MOV10L1: variants seen among roughly 807,000 people sequenced by gnomAD.
MOV10L1 encodes the protein RNA helicase Mov10l1.
A neutral mutation model predicts 143.8 loss-of-function variants in MOV10L1; 110 were observed. That is an observed-to-expected ratio of 0.76 (90% CI 0.66 to 0.90). The LOEUF (loss-of-function observed/expected upper bound fraction) is 0.90, where lower values mean the gene tolerates loss of function less well. Among genes scored for constraint, MOV10L1 ranks in the 40% least tolerant of loss-of-function variants. The pLI is 0.00. For synonymous variants in MOV10L1, 593 were observed against 581.1 expected (o/e 1.02, Z -0.29); for missense variants, 1,406 against 1,526.8 (o/e 0.92, Z 1.32).
In MOV10L1 at chr22:50,160,948, T is replaced by C. The variant is rs755911041; in HGVS notation, c.3463-16T>C. ...TTCACTTGCTCTCACACCAGGCTAA[T>C]TGTTATTGCCAACAGGACCCCTGTT... is the stretch of plus-strand genomic sequence containing the variant. On this transcript the variant is annotated splice_polypyrimidine_tract_variant and intron_variant, in intron 25 of 26. Transcript: ENST00000262794. The C allele has an allele frequency of 1.9e-6, 3 of 1,614,036 alleles. No individual in the cohort carries two copies. Among genetic ancestry groups the C allele is most frequent in the Non-Finnish European group, 2.5e-6 (3 of 1,179,914 alleles).
chr22:50,120,523 A>G lies in MOV10L1; in HGVS notation c.1476A>G (p.Pro492=), dbSNP rs2062308716. 1 of 1,611,602 alleles carries G rather than the reference A, an allele frequency of 6.2e-7. No homozygotes were observed. The highest frequency in any genetic ancestry group is 8.5e-7 in the Non-Finnish European group (1 of 1,178,878). ...AQKRNSRRQL[P]SFLPQYPIPD... ...TAAGGAACTCAAGACGACAACTTCC[A>G]AGTTTTCTTCCCCAATATCCAATCC... Residue 492 remains proline (P), a synonymous_variant, in exon 10 of 27, where the codon CCA becomes CCG. Coordinates refer to ENST00000262794, the MANE Select transcript of MOV10L1 (RefSeq NM_018995.3).
At chr22:50,127,409 C>G (rs187905794) in intron 12 of MOV10L1, among the ~76,000 whole-genome samples, 1 of 152,342 alleles carries the variant, frequency 6.6e-6, no homozygotes, top group Admixed American at 6.5e-5. Flanking sequence ...CACCTGTTCT[C>G]AAGTAGACTA....
rs1217173302 is a variant in MOV10L1, at chr22:50,115,252, G to A, written c.1259+6G>A. On this transcript the variant is annotated splice_donor_region_variant and intron_variant, in intron 8 of 26. Transcript: ENST00000262794. ...GTGGTCATCTGTGACGGAAAGTAAGGGCCTGGAGGTCTGGGGAGAGCCGCG... is the reference window on the plus strand; with the variant it reads ...GTGGTCATCTGTGACGGAAAGTAAGAGCCTGGAGGTCTGGGGAGAGCCGCG... 1.3e-6 allele frequency: 2 copies of A among 1,509,188 alleles called. No homozygotes were observed. The highest frequency in any genetic ancestry group is 1.8e-6 in the Non-Finnish European group (2 of 1,138,044). 93.5% of individuals were successfully genotyped at this position (1,509,188 alleles called of 1,614,324 possible). A position where few individuals can be genotyped will look rare whatever the true frequency, so the allele number is the denominator to read the frequency against.
In MOV10L1 at chr22:50,108,882, C is replaced by T. The variant is rs777808736; in HGVS notation, c.743+38C>T. On this transcript the variant is annotated intron_variant, in intron 5 of 26. Coordinates refer to ENST00000262794, the MANE Select transcript of MOV10L1 (RefSeq NM_018995.3). ...TTTTCTGGCCAGGTGCGGTGGCTAA[C>T]GCCTGTAATCCTAGCACTTTGGGAG... 1.3e-5 allele frequency: 21 copies of T among 1,596,998 alleles called. No homozygotes were observed. In the East Asian group the frequency reaches 3.6e-4, roughly 27 times the overall value.
At chr22:50,094,901 T>C (rs564135471) in intron 2 of MOV10L1, 7 of 152,310 alleles carry the variant, frequency 4.6e-5, no homozygotes, top group Admixed American at 1.3e-4. Flanking sequence ...CCACCACTCA[T>C]GTGCAGCAGT....
chr22:50,152,332 A>T lies in MOV10L1; in HGVS notation c.2893-713A>T, dbSNP rs1003005598. Among the ~76,000 whole-genome samples the T allele has an allele frequency of 6.6e-6, 1 of 152,218 alleles. No individual in the cohort carries two copies. The highest frequency in any genetic ancestry group is 1.5e-5 in the Non-Finnish European group (1 of 68,022). On this transcript the variant is annotated intron_variant, in intron 21 of 26. Transcript: ENST00000262794. This position sits in a 1 kb window ranked among gnomAD's most constrained non-coding sequence, Gnocchi z 4.4. ...ACAGACGCAGCGAGTCCTCATGCCA[A>T]TACATGGGTCACGTGATGAGCAGGG...
rs2062382950 is a variant in MOV10L1 at position 50,090,038 on chromosome 22, C to CGTGCGGGCGG, written c.-50_-41dup. 8.9e-7 allele frequency: 1 copy of CGTGCGGGCGG among 1,128,980 alleles called. No homozygotes were observed. The highest frequency in any genetic ancestry group is 1.6e-5 in the African/African-American group (1 of 60,704). The allele number at this position is 1,128,980 out of a possible 1,614,324, so 69.9% of individuals were successfully genotyped here. On this transcript the variant is annotated 5_prime_UTR_variant, in exon 1 of 27. Coordinates refer to ENST00000262794, the MANE Select transcript of MOV10L1 (RefSeq NM_018995.3). The stretch of plus-strand genomic sequence containing the variant: ...GCGGGCGGCGGGAGCGGCGCGGGCG[C>CGTGCGGGCGG]GTGCGGGCGGCGGCAGCGGCGGTGA...
intron 12 of MOV10L1, among the ~76,000 whole-genome samples, chr22:50,127,972 C>T (rs774482908): frequency 3.9e-5 from 6 of 152,074 alleles, no homozygotes; most frequent in East Asian, 1.9e-4. Context: ...GGTTTCGCCC[C>T]GTTGGCCAGG....
At chr22:50,156,426 A>G (rs1346788836) in intron 22 of MOV10L1, among the ~76,000 whole-genome samples, 1 of 152,158 alleles carries the variant, frequency 6.6e-6, no homozygotes, top group Non-Finnish European at 1.5e-5. Flanking sequence ...TCCATTTTTA[A>G]GTGTAAAGTT....
chr22:50,146,418 G>A (rs193121007), intron 19 of MOV10L1, among the ~76,000 whole-genome samples: 4 of 152,014 alleles, frequency 2.6e-5, no homozygotes, highest in East Asian at 3.9e-4. Flanking sequence ...GAAGAGCTTC[G>A]AGCCCAGGGA....
At position 50,148,176 on chromosome 22, in the gene MOV10L1, C is replaced by T. The variant is rs1315368436; in HGVS notation, c.2628-1439C>T. Among the ~76,000 whole-genome samples, 5 of 152,218 alleles carry T rather than the reference C, an allele frequency of 3.3e-5. No individual in the cohort carries two copies. In the South Asian group the frequency reaches 6.2e-4, roughly 19 times the overall value. On this transcript the variant is annotated intron_variant, in intron 19 of 26. Coordinates refer to ENST00000262794, the MANE Select transcript of MOV10L1 (RefSeq NM_018995.3). ...CAAGGTGCGTCCTGTTGAGTGTTGG[C>T]GTGGCTCCGGACACTCTCTCTGCCC...
At chr22:50,119,332 G>T (rs1405993290) in intron 9 of MOV10L1, among the ~76,000 whole-genome samples, 1 of 152,162 alleles carries the variant, frequency 6.6e-6, no homozygotes, top group East Asian at 1.9e-4. Context: ...GCGGGCATTG[G>T]CGGGTGCCTG....
At chr22:50,142,598 G>A (rs1484796896) in intron 16 of MOV10L1, among the ~76,000 whole-genome samples, 1 of 151,944 alleles carries the variant, frequency 6.6e-6, no homozygotes, top group Non-Finnish European at 1.5e-5. Flanking sequence ...GGAAGCTAAG[G>A]TGGGCAGATC....
chr22:50,151,782 C>T (rs1029449865), intron 21 of MOV10L1, among the ~76,000 whole-genome samples: 1 of 152,210 alleles, frequency 6.6e-6, no homozygotes, highest in Admixed American at 6.5e-5. Flanking sequence ...GAGACCAGCA[C>T]GCTGCCGTCC....
Position 50,143,222 on chromosome 22 carries a change from G to T in MOV10L1, c.2358+1G>T. 1 of 1,613,990 alleles carries T rather than the reference G, an allele frequency of 6.2e-7. No homozygotes were observed. Among genetic ancestry groups the T allele is most frequent in the Non-Finnish European group, 8.5e-7 (1 of 1,180,028 alleles). ...GACAATAATAGAGGCTGTTTTACAG[G>T]TAAGGACAGCGGCGCCGCGGGTGCT... is the stretch of plus-strand genomic sequence containing the variant. On this transcript the variant is annotated splice_donor_variant, in intron 17 of 26. Transcript: ENST00000262794. LOFTEE classifies it high-confidence loss of function.
At position 50,152,905 on chromosome 22, in the gene MOV10L1, C is replaced by T. The variant is rs938762957; in HGVS notation, c.2893-140C>T. On this transcript the variant is annotated intron_variant, in intron 21 of 26. Coordinates refer to ENST00000262794, the MANE Select transcript of MOV10L1 (RefSeq NM_018995.3). The surrounding 1 kb of genome is among the most constrained non-coding windows in gnomAD (Gnocchi z 4.4). ...TCCAAGGGCTTGGTCTGGGGGCAGG[C>T]GACACACAGGGGCGCAGGAGCAGAG... 1.1e-5 allele frequency: 9 copies of T among 796,086 alleles called. No homozygotes were observed. The highest frequency in any genetic ancestry group is 3.4e-5 in the African/African-American group (2 of 58,548). 49.3% of individuals were successfully genotyped at this position (796,086 alleles called of 1,614,324 possible).
chr22:50,115,280 T>G (rs1372738122), intron 8 of MOV10L1, 34 bp downstream of exon 8: 1 of 1,461,106 alleles, frequency 6.8e-7, no homozygotes, highest in Non-Finnish European at 9.0e-7. Flanking sequence ...GAGCCGCGTT[T>G]TTAAGTTTCT....
At chr22:50,117,721 C>A (rs919505480) in intron 9 of MOV10L1, among the ~76,000 whole-genome samples, 1 of 152,162 alleles carries the variant, frequency 6.6e-6, no homozygotes, top group African/African-American at 2.4e-5. Context: ...ACGGCATCCC[C>A]GTGTCATTCG....
intron 3 of MOV10L1, among the ~76,000 whole-genome samples, chr22:50,100,948 C>T (rs2061729709): frequency 6.6e-6 from 1 of 152,190 alleles, no homozygotes; most frequent in African/African-American, 2.4e-5. Flanking sequence ...GTGGTGAAGA[C>T]GGAGCTGGAC....
Sources: gnomAD v4.1 joint callset for allele counts (sites outside exome capture counted in the v4.1 genomes callset) on GRCh38, gnomAD v4.1.1 for gene constraint, Gnocchi (gnomAD v3.1) non-coding constraint, MANE v1.5 for transcripts, NCBI Gene and HGNC (gene_info 2026-07-23, HGNC 2026-07-21) for gene names.